MCTP1: variants seen among roughly 807,000 people sequenced by gnomAD.
The protein encoded by MCTP1 is multiple C2 and transmembrane domain containing 1.
In MCTP1, 69 loss-of-function variants were observed where a neutral mutation model predicts 120.6. The observed-to-expected ratio is 0.57, with a 90% CI of 0.47 to 0.70. MCTP1 has a LOEUF of 0.70. MCTP1 is among the 30% of genes least tolerant of loss of function. The pLI is 0.00. For synonymous variants in MCTP1, 529 were observed against 493.1 expected (o/e 1.07, Z -0.96); for missense variants, 1,203 against 1,248.8 (o/e 0.96, Z 0.55).
At chr5:94,725,895 C>T (rs550592343) in intron 19 of MCTP1, among the ~76,000 whole-genome samples, 3 of 152,082 alleles carry the variant, frequency 2.0e-5, no homozygotes, top group Non-Finnish European at 4.4e-5. Flanking sequence ...AAATATTAGT[C>T]GTTAATATTA....
intron 19 of MCTP1, among the ~76,000 whole-genome samples, chr5:94,743,043 TAGGGAA>T (rs1052546964): frequency 2.0e-5 from 3 of 150,932 alleles, no homozygotes; most frequent in Non-Finnish European, 2.9e-5. Flanking sequence ...GAAGACTTCA[TAGGGAA>T]AATAAAATGT....
intron 1 of MCTP1, among the ~76,000 whole-genome samples, chr5:95,200,571 A>T (rs138129678): frequency 3.3e-5 from 5 of 152,300 alleles, no homozygotes; most frequent in African/African-American, 1.2e-4. Context: ...GCTGGGGAAT[A>T]TTGTATTAAG....
intron 17 of MCTP1, among the ~76,000 whole-genome samples, chr5:94,821,188 G>A (rs368064500): frequency 4.5e-4 from 68 of 152,278 alleles, no homozygotes; most frequent in South Asian, 1.0e-3. Context: ...AAAGAATTCT[G>A]TGAAACACAA....
chr5:94,880,821 T>G (rs1799895419), intron 12 of MCTP1, among the ~76,000 whole-genome samples: 1 of 152,172 alleles, frequency 6.6e-6, no homozygotes, highest in Admixed American at 6.6e-5. Flanking sequence ...TCACGTCATG[T>G]ATAAAATTAT....
chr5:95,194,921 G>A (rs1317368887), intron 1 of MCTP1, among the ~76,000 whole-genome samples: 1 of 152,164 alleles, frequency 6.6e-6, no homozygotes, highest in Non-Finnish European at 1.5e-5. Flanking sequence ...AGACTTCAAG[G>A]CTTTAAAATT....
At chr5:95,172,864 G>A (rs772000958) in intron 1 of MCTP1, among the ~76,000 whole-genome samples, 71 of 152,218 alleles carry the variant, frequency 4.7e-4, no homozygotes, top group Non-Finnish European at 7.5e-4. Flanking sequence ...AATGCAAAGG[G>A]CTCTGAGAGA....
Position 94,910,214 on chromosome 5 carries a change from A to G in MCTP1, c.1522-833T>C, listed in dbSNP as rs567067004. On this transcript the variant is annotated intron_variant, in intron 9 of 22. Coordinates refer to ENST00000515393, the MANE Select transcript of MCTP1 (RefSeq NM_024717.7). Reference sequence around the variant, plus strand: ...CATACATATATGTATATATACATATATGTGTATACATATATGTATGTATGT... The same window carrying G: ...CATACATATATGTATATATACATATGTGTGTATACATATATGTATGTATGT... 1.4e-3 allele frequency among the ~76,000 whole-genome samples: 207 copies of G among 151,662 alleles called. 1 individual carries two copies. The highest frequency in any genetic ancestry group is 2.0e-3 in the Non-Finnish European group (137 of 67,828).
rs746672415 is a variant in MCTP1 at position 94,799,048 on chromosome 5, T to A, written c.2521A>T (p.Ile841Leu). ...TGCCTGTTATCTTTCCCTGATATTA[T>A]CAAGAAGTAGTTCCATGTCAATAGT... ...LLLLTWNYFL[I>L]ISGKDNRQRD... Residue 841 changes from isoleucine to leucine, a missense_variant, in exon 18 of 23, where the codon ATA becomes TTA. Coordinates refer to ENST00000515393, the MANE Select transcript of MCTP1 (RefSeq NM_024717.7). The A allele has an allele frequency of 6.2e-7, 1 of 1,612,098 alleles. No individual in the cohort carries two copies.
intron 19 of MCTP1, among the ~76,000 whole-genome samples, chr5:94,721,504 G>A (rs1760891347): frequency 6.6e-6 from 1 of 152,072 alleles, no homozygotes; most frequent in Non-Finnish European, 1.5e-5. Context: ...AAAATAATAT[G>A]GTTTGTAATG....
intron 1 of MCTP1, among the ~76,000 whole-genome samples, chr5:95,142,474 T>G (rs935911751): frequency 6.6e-6 from 1 of 152,200 alleles, no homozygotes; most frequent in African/African-American, 2.4e-5. Flanking sequence ...CTATGTCACA[T>G]TTCCCTGCAG....
intron 1 of MCTP1, among the ~76,000 whole-genome samples, chr5:95,091,092 C>G (rs1025960120): frequency 6.6e-6 from 1 of 152,126 alleles, no homozygotes; most frequent in Admixed American, 6.5e-5. Context: ...CATCCCATTC[C>G]ACACCTTCCC....
At chr5:94,937,301 C>T (rs1816426426) in intron 5 of MCTP1, among the ~76,000 whole-genome samples, 1 of 151,954 alleles carries the variant, frequency 6.6e-6, no homozygotes, top group Non-Finnish European at 1.5e-5. Flanking sequence ...ATGAAAAATA[C>T]CTTTGGAAGG....
At position 94,873,237 on chromosome 5, in the gene MCTP1, T is replaced by C; in HGVS notation, c.1938A>G (p.Lys646=). ...EGLMAADVTG[K]SDPFCVVELN... is the part of the protein sequence containing the mutation. ...GTTCTACCACACAAAATGGGTCACTTTTTCCTACAAGAGATTTTTGGTAAA... is the reference window on the plus strand; with the variant it reads ...GTTCTACCACACAAAATGGGTCACTCTTTCCTACAAGAGATTTTTGGTAAA... Residue 646 remains lysine (K), a synonymous_variant, in exon 13 of 23, where the codon AAA becomes AAG. Coordinates refer to ENST00000515393, the MANE Select transcript of MCTP1 (RefSeq NM_024717.7). 1 of 1,584,516 alleles carries C rather than the reference T, an allele frequency of 6.3e-7. No individual in the cohort carries two copies. The highest frequency in any genetic ancestry group is 8.7e-7 in the Non-Finnish European group (1 of 1,153,946).
In MCTP1 at chr5:95,161,954, T is replaced by G. The variant is rs116928693; in HGVS notation, c.720+121902A>C. On this transcript the variant is annotated intron_variant, in intron 1 of 22. Coordinates refer to ENST00000515393, the MANE Select transcript of MCTP1 (RefSeq NM_024717.7). Reference sequence around the variant, plus strand: ...TTGTAAGAAAAACACTCTGATCAAGTGGGGAGATGTTAACTTTGAGACTCC... The same window carrying G: ...TTGTAAGAAAAACACTCTGATCAAGGGGGGAGATGTTAACTTTGAGACTCC... Among the ~76,000 whole-genome samples the G allele has an allele frequency of 2.4e-4, 37 of 152,096 alleles. No individual in the cohort carries two copies. The East Asian group carries it at 6.8e-3, about 28-fold the overall frequency.
Position 95,284,200 on chromosome 5 carries a change from G to A in MCTP1, c.376C>T (p.Arg126Cys). Residue 126 changes from arginine (R) to cysteine (C), a missense_variant, in exon 1 of 23, where the codon CGC becomes TGC. By Grantham distance (180) the Arg-to-Cys change is radical. This residue lies in a region of MCTP1 where 463 missense variants were observed against 377.8 expected (regional missense o/e 1.23). Coordinates refer to ENST00000515393, the MANE Select transcript of MCTP1 (RefSeq NM_024717.7). The surrounding 1 kb of genome is among the most constrained non-coding windows in gnomAD (Gnocchi z 5.2). ...TTTACGGCGGGGAGCAAATGCTCGC[G>A]GATCCGGCGGCGTAGCGTGGACCCC... ...EQGSTLRRRI[R>C]EHLLPAVKGP... The A allele has an allele frequency of 6.4e-7, 1 of 1,554,054 alleles. No individual in the cohort carries two copies. The highest frequency in any genetic ancestry group is 8.7e-7 in the Non-Finnish European group (1 of 1,152,930).
intron 1 of MCTP1, among the ~76,000 whole-genome samples, chr5:95,203,546 T>C (rs185064885): frequency 1.3e-5 from 2 of 152,328 alleles, no homozygotes; most frequent in East Asian, 3.9e-4. Flanking sequence ...CTCTAATAAA[T>C]TATAAATTCC....
chr5:94,710,404 C>T (rs1211206408), intron 21 of MCTP1: 1 of 155,316 alleles, frequency 6.4e-6, no homozygotes, highest in Non-Finnish European at 1.4e-5. Context: ...CTTAAACAGG[C>T]AGCCATGTAT....
At chr5:95,077,422 G>A (rs1753840664) in intron 1 of MCTP1, among the ~76,000 whole-genome samples, 2 of 151,164 alleles carry the variant, frequency 1.3e-5, no homozygotes, top group South Asian at 4.2e-4. Flanking sequence ...GTATATATCT[G>A]CACACATTTA....
At chr5:95,251,801 C>T (rs768354813) in intron 1 of MCTP1, among the ~76,000 whole-genome samples, 1 of 151,926 alleles carries the variant, frequency 6.6e-6, no homozygotes, top group South Asian at 2.1e-4. Context: ...ATTCTATAAA[C>T]AACAGTAATA....
Sources: gnomAD v4.1 joint callset for allele counts (sites outside exome capture counted in the v4.1 genomes callset) on GRCh38, gnomAD v4.1.1 for gene constraint, gnomAD v4.1.1 regional missense constraint, Gnocchi (gnomAD v3.1) non-coding constraint, MANE v1.5 for transcripts, NCBI Gene and HGNC (gene_info 2026-07-23, HGNC 2026-07-21) for gene names.